Variants in NTF3 observed in about 807,000 individuals in gnomAD.
The protein encoded by NTF3 is neurotrophin-3.
Under a neutral mutation model 26.3 loss-of-function variants are expected in NTF3, and 8 were observed. That is an observed-to-expected ratio of 0.30 (90% CI 0.18 to 0.55). The LOEUF is 0.55. Among genes scored for constraint, NTF3 ranks in the 20% least tolerant of loss-of-function variants. The pLI is 0.93. For synonymous variants in NTF3, 154 were observed against 145.5 expected (o/e 1.06, Z -0.42); for missense variants, 276 against 352.9 (o/e 0.78, Z 1.75).
intron 1 of NTF3, among the ~76,000 whole-genome samples, chr12:5,441,229 T>C (rs1243241852): frequency 6.6e-6 from 1 of 152,218 alleles, no homozygotes; most frequent in Non-Finnish European, 1.5e-5. Context: ...TTTGATTATC[T>C]CTAAGGTCTT....
intron 1 of NTF3, among the ~76,000 whole-genome samples, chr12:5,447,594 T>C (rs1268518883): frequency 6.6e-6 from 1 of 152,238 alleles, no homozygotes; most frequent in African/African-American, 2.4e-5. Context: ...TAATAAACCC[T>C]ACCTACTTAA....
intron 1 of NTF3, among the ~76,000 whole-genome samples, chr12:5,472,293 CAG>C (rs1410285181): frequency 6.6e-6 from 1 of 152,140 alleles, no homozygotes; most frequent in Non-Finnish European, 1.5e-5. Context: ...ATTTGGGAAA[CAG>C]AACAGAAATC....
intron 1 of NTF3, among the ~76,000 whole-genome samples, chr12:5,493,426 ATGTAAGGTGGTTATTC>A (rs1940963473): frequency 6.6e-6 from 1 of 152,216 alleles, no homozygotes; most frequent in Non-Finnish European, 1.5e-5. Flanking sequence ...CAGCCCATTT[ATGTAAGGTGGTTATTC>A]TGCATCTCTG....
At chr12:5,480,658 G>A (rs141511953) in intron 1 of NTF3, among the ~76,000 whole-genome samples, 2,040 of 152,268 alleles carry the variant, frequency 0.013, 26 homozygotes, top group South Asian at 0.044. Context: ...GAAGGGGTTG[G>A]TGGGGCCACT....
chr12:5,476,481 G>A (rs1336851523), intron 1 of NTF3, among the ~76,000 whole-genome samples: 1 of 152,224 alleles, frequency 6.6e-6, no homozygotes, highest in African/African-American at 2.4e-5. Context: ...TGGGCACCAA[G>A]TAGTTCATAG....
intron 1 of NTF3, among the ~76,000 whole-genome samples, chr12:5,460,105 C>T (rs7314794): frequency 0.64 from 97,889 of 152,024 alleles, 32,140 homozygotes; most frequent in East Asian, 0.88. Flanking sequence ...TAACTCCTCC[C>T]CCTCACTCCC....
chr12:5,491,032 T>C (rs1045061126), intron 1 of NTF3, among the ~76,000 whole-genome samples: 5 of 152,242 alleles, frequency 3.3e-5, no homozygotes, highest in African/African-American at 1.2e-4. Flanking sequence ...TGGATTTCAT[T>C]GTTTACCCCT....
At chr12:5,455,585 T>C (rs7972938) in intron 1 of NTF3, among the ~76,000 whole-genome samples, 20,961 of 59,364 alleles carry the variant, frequency 0.35, 2,495 homozygotes, top group African/African-American at 0.48. Flanking sequence ...CACACACACA[T>C]AGCCCCTGTG....
intron 1 of NTF3, among the ~76,000 whole-genome samples, chr12:5,472,707 G>C (rs897647933): frequency 2.0e-5 from 3 of 152,122 alleles, no homozygotes; most frequent in Non-Finnish European, 2.9e-5. Flanking sequence ...ATTTGCAACT[G>C]TCTTCTCCCC....
chr12:5,482,146 C>T (rs966156156), intron 1 of NTF3, among the ~76,000 whole-genome samples: 1 of 152,076 alleles, frequency 6.6e-6, no homozygotes, highest in Admixed American at 6.5e-5. Context: ...CACATAGACA[C>T]ATGTTGTGTG....
At chr12:5,476,652 A>G (rs751748391) in intron 1 of NTF3, among the ~76,000 whole-genome samples, 9 of 152,208 alleles carry the variant, frequency 5.9e-5, no homozygotes, top group African/African-American at 2.2e-4. Flanking sequence ...AGCTCTGCAC[A>G]TGGAGATACT....
chr12:5,436,228 G>A (rs1036673751), intron 1 of NTF3, among the ~76,000 whole-genome samples: 19 of 152,162 alleles, frequency 1.2e-4, no homozygotes, highest in African/African-American at 4.6e-4. Flanking sequence ...GCATATGTTT[G>A]GGAGGACTTT....
chr12:5,470,252 G>A (rs534598180), intron 1 of NTF3, among the ~76,000 whole-genome samples: 56 of 152,272 alleles, frequency 3.7e-4, no homozygotes, highest in African/African-American at 1.1e-3. Context: ...AGAGACTTCT[G>A]GCCTAGAGGT....
intron 1 of NTF3, among the ~76,000 whole-genome samples, chr12:5,437,360 AG>A (rs1349097599): frequency 6.6e-6 from 1 of 152,234 alleles, no homozygotes; most frequent in Non-Finnish European, 1.5e-5. Flanking sequence ...CACATTCCCC[AG>A]GCGGGACAGG....
Position 5,495,110 on chromosome 12 carries a change from C to G in NTF3, c.*122C>G. On this transcript the variant is annotated 3_prime_UTR_variant, in exon 2 of 2. Transcript: ENST00000423158. ...ACCTTTATTTATTAAACTTCAGCAA[C>G]CCTACAGTATATAAGCTTTTTTCTC... 2 of 1,070,828 alleles carry G rather than the reference C, an allele frequency of 1.9e-6. No individual in the cohort carries two copies. Among genetic ancestry groups the G allele is most frequent in the South Asian group, 3.3e-5 (2 of 59,734 alleles). 66.3% of individuals were successfully genotyped at this position (1,070,828 alleles called of 1,614,324 possible). A position where few individuals can be genotyped will look rare whatever the true frequency, so the allele number is the denominator to read the frequency against.
chr12:5,432,501 C>G (rs1265774966), intron 1 of NTF3, 159 bp downstream of exon 1: 2 of 371,284 alleles, frequency 5.4e-6, no homozygotes, highest in Non-Finnish European at 7.4e-6. Flanking sequence ...TTGTGTCTTC[C>G]CCAAAGTTTG....
At chr12:5,472,507 G>A (rs1940677801) in intron 1 of NTF3, among the ~76,000 whole-genome samples, 1 of 152,104 alleles carries the variant, frequency 6.6e-6, no homozygotes. Flanking sequence ...TGACATTCGG[G>A]ACCTCCACTG....
chr12:5,447,015 C>G (rs2121160110), intron 1 of NTF3, among the ~76,000 whole-genome samples: 1 of 152,258 alleles, frequency 6.6e-6, no homozygotes, highest in Middle Eastern at 3.4e-3. Context: ...GTACTGCTAC[C>G]TGAACTGTAC....
At chr12:5,473,596 C>A (rs1007836675) in intron 1 of NTF3, among the ~76,000 whole-genome samples, 2 of 152,186 alleles carry the variant, frequency 1.3e-5, no homozygotes, top group African/African-American at 2.4e-5. Flanking sequence ...GCCAGGAAAC[C>A]CTGCTGGGGG....
Sources: allele counts gnomAD v4.1 joint callset (sites outside exome capture counted in the v4.1 genomes callset), GRCh38; gene constraint gnomAD v4.1.1; transcripts MANE v1.5; gene names NCBI Gene and HGNC (gene_info 2026-07-23, HGNC 2026-07-21).